Variants in USP43 observed in about 807,000 individuals in gnomAD.
USP43 encodes ubiquitin specific peptidase 43.
USP43 carries 33 observed loss-of-function variants against 90.7 expected under a neutral mutation model. The observed-to-expected ratio is 0.36, with a 90% CI of 0.28 to 0.49. USP43 has a LOEUF of 0.49. Among genes scored for constraint, USP43 ranks in the 20% least tolerant of loss-of-function variants. The pLI, the probability that USP43 is intolerant of heterozygous loss-of-function variation, is 0.98. For missense variants in USP43, 1,274 were observed against 1,476.4 expected (o/e 0.86, Z 2.25); for synonymous variants, 598 against 615.8 (o/e 0.97, Z 0.43).
chr17:9,666,320 T>C (rs1205119233), intron 2 of USP43, among the ~76,000 whole-genome samples: 2 of 152,104 alleles, frequency 1.3e-5, no homozygotes, highest in Non-Finnish European at 1.5e-5. Context: ...CATCTAGACA[T>C]TGAAGCCGAG....
chr17:9,728,908 C>T lies in USP43; in HGVS notation c.3290C>T (p.Ala1097Val), dbSNP rs765825277. The stretch of plus-strand genomic sequence containing the variant: ...CAAAGGACTGTTCCAGGGGAGCAGG[C>T]TTCTTATGGCACCTTTCAGAGAGTC... The part of the protein sequence containing the change: ...MSQRTVPGEQ[A>V]SYGTFQRVKY... Residue 1097 changes from alanine to valine, a missense_variant, in exon 15 of 15, where the codon GCT (alanine) becomes GTT (valine). Ala to Val is a moderately conservative substitution (Grantham distance 64). Coordinates refer to ENST00000285199, the MANE Select transcript of USP43 (RefSeq NM_153210.5). This position sits in a 1 kb window ranked among gnomAD's most constrained non-coding sequence, Gnocchi z 6.2. 17 of 1,612,714 alleles carry T rather than the reference C, an allele frequency of 1.1e-5. No individual in the cohort carries two copies. Among genetic ancestry groups the T allele is most frequent in the African/African-American group, 4.0e-5 (3 of 74,974 alleles).
intron 1 of USP43, among the ~76,000 whole-genome samples, chr17:9,650,534 C>G (rs1345659479): frequency 6.6e-6 from 1 of 152,120 alleles, no homozygotes; most frequent in Non-Finnish European, 1.5e-5. Context: ...TCCCAAGTAG[C>G]TGGGATTACA....
Position 9,686,991 on chromosome 17 carries a change from G to T in USP43, c.1353+82G>T. On this transcript the variant is annotated intron_variant, in intron 8 of 14. Coordinates refer to ENST00000285199, the MANE Select transcript of USP43 (RefSeq NM_153210.5). The surrounding 1 kb of genome is among the most constrained non-coding windows in gnomAD (Gnocchi z 5.5). ...TGTGTGGGTGTGTGTATTGGGAGGGGTGGAATTTAGTGTAGCCCAGGAGAG... is the reference window on the plus strand; with the variant it reads ...TGTGTGGGTGTGTGTATTGGGAGGGTTGGAATTTAGTGTAGCCCAGGAGAG... 1.6e-6 allele frequency: 2 copies of T among 1,243,942 alleles called. No individual in the cohort carries two copies. The highest frequency in any genetic ancestry group is 1.3e-5 in the South Asian group (1 of 76,902). The allele number at this position is 1,243,942 out of a possible 1,614,324, so 77.1% of individuals were successfully genotyped here.
intron 9 of USP43, among the ~76,000 whole-genome samples, chr17:9,697,929 A>G (rs1028445297): frequency 3.9e-5 from 6 of 152,148 alleles, no homozygotes. Context: ...TTTCCATAGG[A>G]GTTGAACTAA....
chr17:9,700,334 A>G, intron 10 of USP43, 85 bp downstream of exon 10: 3 of 1,347,424 alleles, frequency 2.2e-6, no homozygotes, highest in Non-Finnish European at 3.1e-6. Flanking sequence ...TTCCCCCAGC[A>G]CGGCTGCAGG....
chr17:9,717,551 G>A (rs1916661053), intron 14 of USP43, among the ~76,000 whole-genome samples: 1 of 152,074 alleles, frequency 6.6e-6, no homozygotes, highest in African/African-American at 2.4e-5. Flanking sequence ...GACTACTGGA[G>A]AATGCAGTTT....
At chr17:9,713,928 G>C (rs1916345089) in intron 14 of USP43, among the ~76,000 whole-genome samples, 1 of 152,178 alleles carries the variant, frequency 6.6e-6, no homozygotes, top group Non-Finnish European at 1.5e-5. Context: ...TTTGGCACCA[G>C]GGACCGGTTT....
At chr17:9,715,927 G>A (rs1300502637) in intron 14 of USP43, among the ~76,000 whole-genome samples, 2 of 151,018 alleles carry the variant, frequency 1.3e-5, no homozygotes, top group East Asian at 3.9e-4. Flanking sequence ...ATATGTGTCT[G>A]TGTGTGTGTT....
chr17:9,667,889 G>A (rs956282182), intron 3 of USP43, among the ~76,000 whole-genome samples: 2 of 152,168 alleles, frequency 1.3e-5, no homozygotes, highest in African/African-American at 4.8e-5. Flanking sequence ...CCTTACAAAA[G>A]TCTCAGGGGA....
intron 1 of USP43, 24 bp downstream of exon 1, chr17:9,646,160 C>T (rs931561385): frequency 5.0e-6 from 7 of 1,400,976 alleles, no homozygotes; most frequent in Middle Eastern, 2.5e-4. Flanking sequence ...CGCCGCCGAC[C>T]GCCCTGTCCC....
intron 12 of USP43, among the ~76,000 whole-genome samples, chr17:9,708,510 G>A (rs1353741272): frequency 6.6e-6 from 1 of 152,218 alleles, no homozygotes; most frequent in African/African-American, 2.4e-5. Context: ...TGGATTAGGT[G>A]TGGGGCGGAA....
rs775954239 is a variant in USP43 at position 9,728,377 on chromosome 17, G to A, written c.2759G>A (p.Gly920Glu). The A allele has an allele frequency of 1.2e-6, 2 of 1,608,486 alleles. No individual in the cohort carries two copies. The highest frequency in any genetic ancestry group is 1.7e-5 in the Admixed American group (1 of 58,952). ...NTARKLKENA[G>E]QDIKLPRKFD... is the part of the protein sequence containing the mutation. Reference sequence around the variant, plus strand: ...GCAAGGAAACTCAAGGAAAATGCAGGGCAGGACATCAAGCTTCCCAGAAAG... The same window carrying A: ...GCAAGGAAACTCAAGGAAAATGCAGAGCAGGACATCAAGCTTCCCAGAAAG... The change falls in exon 15 of 15, where the codon GGG (glycine) becomes GAG (glutamate). Residue 920 changes from glycine to glutamate, a missense_variant. By Grantham distance (98) the Gly-to-Glu change is moderately conservative. Transcript: ENST00000285199. This position sits in a 1 kb window ranked among gnomAD's most constrained non-coding sequence, Gnocchi z 6.2.
At chr17:9,698,188 T>C (rs1167501563) in intron 9 of USP43, among the ~76,000 whole-genome samples, 1 of 152,226 alleles carries the variant, frequency 6.6e-6, no homozygotes, top group South Asian at 2.1e-4. Context: ...GGATTATTTG[T>C]TTTTGTTGAC....
chr17:9,717,005 G>A (rs1421359419), intron 14 of USP43, among the ~76,000 whole-genome samples: 2 of 151,740 alleles, frequency 1.3e-5, no homozygotes, highest in African/African-American at 2.4e-5. Context: ...ACATGGTGGC[G>A]GGCACCTGTA....
intron 10 of USP43, among the ~76,000 whole-genome samples, 183 bp downstream of exon 10, chr17:9,700,432 A>T (rs941891612): frequency 2.6e-5 from 4 of 152,152 alleles, no homozygotes; most frequent in Non-Finnish European, 2.9e-5. Context: ...CAGTGACAGG[A>T]ATGGAGGAAT....
intron 12 of USP43, among the ~76,000 whole-genome samples, chr17:9,705,602 A>G (rs1036132718): frequency 5.3e-5 from 8 of 151,724 alleles, no homozygotes; most frequent in African/African-American, 1.9e-4. Flanking sequence ...TAAAAATACA[A>G]AAATCAGCCA....
At chr17:9,685,775 A>C (rs1567663751) in intron 7 of USP43, among the ~76,000 whole-genome samples, 1 of 152,240 alleles carries the variant, frequency 6.6e-6, no homozygotes, top group Admixed American at 6.5e-5. Context: ...GGTAATTGGC[A>C]TAACCGTCAC....
At chr17:9,697,126 A>T (rs1047361968) in intron 9 of USP43, among the ~76,000 whole-genome samples, 1 of 152,204 alleles carries the variant, frequency 6.6e-6, no homozygotes, top group Admixed American at 6.5e-5. Context: ...CTGAGGCAGG[A>T]GAATCGCTTG....
chr17:9,655,970 A>G (rs1912212872), intron 1 of USP43, among the ~76,000 whole-genome samples: 1 of 152,310 alleles, frequency 6.6e-6, no homozygotes, highest in East Asian at 1.9e-4. Flanking sequence ...GAGAGCAAGT[A>G]GGGCTAGAAG....
Sources: allele counts gnomAD v4.1 joint callset (sites outside exome capture counted in the v4.1 genomes callset), GRCh38; gene constraint gnomAD v4.1.1; non-coding constraint Gnocchi (gnomAD v3.1); transcripts MANE v1.5; gene names NCBI Gene and HGNC (gene_info 2026-07-23, HGNC 2026-07-21).